The following PARG variants were observed in gnomAD, a reference collection of about 807,000 sequenced individuals.
The protein encoded by PARG is mitochondrial poly(ADP-ribose) glycohydrolase.
Under a neutral mutation model 113.0 loss-of-function variants are expected in PARG, and 35 were observed. The observed-to-expected ratio is 0.31, with a 90% CI of 0.24 to 0.41. PARG has a LOEUF of 0.41. PARG is among the 10% of genes least tolerant of loss of function. The pLI, the probability that PARG is intolerant of heterozygous loss-of-function variation, is 1.00. For synonymous variants in PARG, 330 were observed against 409.9 expected (o/e 0.81, Z 2.36); for missense variants, 797 against 1,169.4 (o/e 0.68, Z 4.64).
intron 11 of PARG, among the ~76,000 whole-genome samples, chr10:49,862,219 T>C (rs755842327): frequency 3.3e-5 from 5 of 151,952 alleles, no homozygotes; most frequent in East Asian, 1.9e-4. Flanking sequence ...AATTATTTTC[T>C]TTCCCTTTCA....
intron 6 of PARG, among the ~76,000 whole-genome samples, chr10:49,919,113 A>G (rs1427360285): frequency 6.6e-6 from 1 of 151,832 alleles, no homozygotes; most frequent in Non-Finnish European, 1.5e-5. Context: ...GCTAATTTTT[A>G]TATTTTTAGT....
chr10:49,879,199 A>G (rs1273415623), intron 9 of PARG, among the ~76,000 whole-genome samples: 1 of 152,196 alleles, frequency 6.6e-6, no homozygotes, highest in Admixed American at 6.5e-5. Flanking sequence ...TCATCAAAAC[A>G]ATTACATTTT....
chr10:49,940,494 A>C (rs1292007664), intron 1 of PARG, among the ~76,000 whole-genome samples: 1 of 146,580 alleles, frequency 6.8e-6, no homozygotes, highest in Non-Finnish European at 1.5e-5. Flanking sequence ...CTATATATCA[A>C]TTGCACTCCT....
chr10:49,819,372 C>T lies in PARG; in HGVS notation c.2899G>A (p.Ala967Thr), dbSNP rs1160697702. 14 of 1,551,350 alleles carry T rather than the reference C, an allele frequency of 9.0e-6. No homozygotes were observed. Among genetic ancestry groups the T allele is most frequent in the South Asian group, 1.2e-5 (1 of 84,038 alleles). The part of the protein sequence containing the change: ...YHAVESCAET[A>T]DHSGQRTGT The stretch of plus-strand genomic sequence containing the variant: ...CCTGTCCTTTGCCCTGAATGGTCAG[C>T]GGTCTCTGCACAGGACTCGACAGCA... Residue 967 changes from alanine to threonine, a missense_variant, in exon 18 of 18, where the codon GCT becomes ACT. By Grantham distance (58) the Ala-to-Thr change is moderately conservative (BLOSUM62 0). Coordinates refer to ENST00000616448, the MANE Select transcript of PARG (RefSeq NM_003631.5).
At position 49,842,018 on chromosome 10, in the gene PARG, C is replaced by T; in HGVS notation, c.2473G>A (p.Asp825Asn). Residue 825 changes from aspartate (D) to asparagine (N), a missense_variant, in exon 15 of 18, where the codon GAT becomes AAT. Around this residue, in one of 5 missense-constraint regions of PARG, gnomAD observed 194 missense variants for 247.1 expected, o/e 0.79. Transcript: ENST00000616448. ...AGGTAGCGTCTGAAGTGAAGAGCAT[C>T]GATGGCAACGATCTCAGTGCAGCGC... ...QRRCTEIVAI[D>N]ALHFRRYLDQ... The T allele has an allele frequency of 1.3e-6, 2 of 1,550,382 alleles. No homozygotes were observed. Among genetic ancestry groups the T allele is most frequent in the Non-Finnish European group, 1.7e-6 (2 of 1,146,888 alleles).
At chr10:49,828,088 T>TAAAGAAAAA (rs1564594600) in intron 16 of PARG, among the ~76,000 whole-genome samples, 1 of 5,052 alleles carries the variant, frequency 2.0e-4, no homozygotes, top group Non-Finnish European at 7.4e-4. Flanking sequence ...GTAGAAAGCT[T>TAAAGAAAAA]AAACAAAAAA....
intron 7 of PARG, among the ~76,000 whole-genome samples, chr10:49,905,392 ATTCCCTCTCTCCCTCC>A (rs1365721252): frequency 1.3e-5 from 2 of 152,166 alleles, no homozygotes; most frequent in African/African-American, 4.8e-5. Flanking sequence ...AAGATTTGTT[ATTCCCTCTCTCCCTCC>A]TTCCCTCTCT....
intron 1 of PARG, among the ~76,000 whole-genome samples, chr10:49,938,707 G>C (rs1447097237): frequency 6.6e-6 from 1 of 152,084 alleles, no homozygotes; most frequent in South Asian, 2.1e-4. Context: ...AAGTAGCTGG[G>C]ACTACAGGTG....
At position 49,912,681 on chromosome 10, in the gene PARG, T is replaced by C. The variant is rs141501798; in HGVS notation, c.1737+3236A>G. ...CATCTCGAAAATAAAGAACGCTTTA[T>C]AGGCCAGGCACAGTGGCTCATGCCT... On this transcript the variant is annotated intron_variant, in intron 7 of 17. Transcript: ENST00000616448. 4.3e-3 allele frequency among the ~76,000 whole-genome samples: 604 copies of C among 140,568 alleles called. 8 individuals are homozygous for C. The highest frequency in any genetic ancestry group is 0.016 in the African/African-American group (581 of 37,436). The allele number at this position is 140,568 out of a possible 152,430, so 92.2% of individuals were successfully genotyped here.
At position 49,885,645 on chromosome 10, in the gene PARG, T is replaced by C. The variant is rs368942450; in HGVS notation, c.1738-350A>G. Among the ~76,000 whole-genome samples the C allele has an allele frequency of 5.9e-5, 9 of 152,358 alleles. No homozygotes were observed. In the East Asian group the frequency reaches 1.5e-3, roughly 26 times the overall value. On this transcript the variant is annotated intron_variant, in intron 7 of 17. Coordinates refer to ENST00000616448, the MANE Select transcript of PARG (RefSeq NM_003631.5). ...ACATTCTGCCCTTGGTTGTATCAAC[T>C]AGAAACTGCTAGACACCAAGGACTT... is the stretch of plus-strand genomic sequence containing the variant.
At chr10:49,919,509 A>C (rs1837681771) in intron 6 of PARG, among the ~76,000 whole-genome samples, 1 of 152,114 alleles carries the variant, frequency 6.6e-6, no homozygotes, top group Admixed American at 6.6e-5. Flanking sequence ...ACCACAGTAC[A>C]GGTATGTTAA....
chr10:49,912,961 T>A (rs1249089793), intron 7 of PARG, among the ~76,000 whole-genome samples: 1 of 152,142 alleles, frequency 6.6e-6, no homozygotes, highest in Admixed American at 6.6e-5. Flanking sequence ...AATAAAAAAA[T>A]AAAAGAACCC....
At chr10:49,921,532 G>GA (rs1305201719) in intron 6 of PARG, among the ~76,000 whole-genome samples, 2 of 150,434 alleles carry the variant, frequency 1.3e-5, no homozygotes, top group East Asian at 3.9e-4. Context: ...TCCATGTAAA[G>GA]AAAAAAAACA....
intron 7 of PARG, among the ~76,000 whole-genome samples, chr10:49,897,286 T>C (rs1252545382): frequency 6.6e-6 from 1 of 152,200 alleles, no homozygotes; most frequent in African/African-American, 2.4e-5. Context: ...TAACAGCTAG[T>C]ATTATGATGA....
intron 7 of PARG, among the ~76,000 whole-genome samples, chr10:49,905,519 G>C (rs1186135679): frequency 1.3e-5 from 2 of 152,042 alleles, no homozygotes; most frequent in Non-Finnish European, 2.9e-5. Flanking sequence ...GAAGTCAAAA[G>C]CTGTTACATG....
chr10:49,832,485 A>G (rs1554830417), intron 16 of PARG, among the ~76,000 whole-genome samples: 1 of 152,000 alleles, frequency 6.6e-6, no homozygotes, highest in African/African-American at 2.4e-5. Flanking sequence ...CATAAAAATC[A>G]CTCCAGTGGA....
At chr10:49,819,903 C>G (rs954677862) in intron 17 of PARG, among the ~76,000 whole-genome samples, 1 of 152,120 alleles carries the variant, frequency 6.6e-6, no homozygotes, top group Non-Finnish European at 1.5e-5. Context: ...TTTTTATAGA[C>G]AGAAAAGTAA....
At chr10:49,869,821 G>C (rs1164732293) in intron 9 of PARG, among the ~76,000 whole-genome samples, 47 of 151,794 alleles carry the variant, frequency 3.1e-4, no homozygotes, top group Middle Eastern at 3.4e-3. Flanking sequence ...TTCCACCACA[G>C]AGAAGGCACC....
At chr10:49,922,460 G>A in intron 5 of PARG, 41 bp from the exon 6 acceptor site, 1 of 1,610,068 alleles carries the variant, frequency 6.2e-7, no homozygotes, top group South Asian at 1.1e-5. Context: ...GCTATTCTAA[G>A]TTGTTTTGCA....
Sources: allele counts gnomAD v4.1 joint callset (sites outside exome capture counted in the v4.1 genomes callset), GRCh38; gene constraint gnomAD v4.1.1; regional missense constraint gnomAD v4.1.1; transcripts MANE v1.5; gene names NCBI Gene and HGNC (gene_info 2026-07-23, HGNC 2026-07-21).